The following RCAN1 variants were observed in gnomAD, a reference collection of about 807,000 sequenced individuals.
RCAN1 encodes the protein calcipressin-1.
A neutral mutation model predicts 22.9 loss-of-function variants in RCAN1; 11 were observed. The ratio of observed to expected loss-of-function variants is 0.48; its 90% CI spans 0.30 to 0.79. The LOEUF is 0.79. RCAN1 is among the 30% of genes least tolerant of loss of function. The pLI is 0.06. For synonymous variants in RCAN1, 136 were observed against 142.3 expected, an observed-to-expected ratio of 0.96 and a Z score of 0.32; for missense variants, 291 against 337.8, an observed-to-expected ratio of 0.86 and a Z score of 1.09.
chr21:34,573,305 T>A (rs1987297332), intron 1 of RCAN1, among the ~76,000 whole-genome samples: 1 of 152,186 alleles, frequency 6.6e-6, no homozygotes. Context: ...ACAGACAGAC[T>A]AAGTCACAAA....
Position 34,614,177 on chromosome 21 carries a change from G to T in RCAN1, c.252+583C>A. On this transcript the variant is annotated intron_variant, in intron 1 of 3. Coordinates refer to ENST00000313806, the MANE Select transcript of RCAN1 (RefSeq NM_004414.7). This position sits in a 1 kb window ranked among gnomAD's most constrained non-coding sequence, Gnocchi z 6.0. The stretch of plus-strand genomic sequence containing the variant: ...CTTCACACAAGGGGGCAAGGTTCTT[G>T]ACTAAATATCCTAAAGGTCTGAAAG... The T allele has an allele frequency of 2.1e-6, 2 of 942,004 alleles. No homozygotes were observed. Among genetic ancestry groups the T allele is most frequent in the Non-Finnish European group, 2.6e-6 (2 of 775,382 alleles). 58.4% of individuals were successfully genotyped at this position (942,004 alleles called of 1,614,324 possible).
At chr21:34,592,680 G>A (rs985025602) in intron 1 of RCAN1, among the ~76,000 whole-genome samples, 3 of 151,974 alleles carry the variant, frequency 2.0e-5, no homozygotes, top group Admixed American at 1.3e-4. Flanking sequence ...GATGATTTAC[G>A]TTCCCCTCAA....
chr21:34,537,130 T>A (rs1027334296), intron 1 of RCAN1, among the ~76,000 whole-genome samples: 1 of 152,156 alleles, frequency 6.6e-6, no homozygotes, highest in African/African-American at 2.4e-5. Flanking sequence ...CAAAACATAC[T>A]GAAGGAACAA....
chr21:34,573,322 A>T (rs1178003885), intron 1 of RCAN1, among the ~76,000 whole-genome samples: 2 of 152,176 alleles, frequency 1.3e-5, no homozygotes, highest in East Asian at 3.8e-4. Context: ...CAAACATGGA[A>T]AAAGGATTAT....
chr21:34,526,106 T>A (rs1985030755), intron 1 of RCAN1, among the ~76,000 whole-genome samples: 1 of 152,224 alleles, frequency 6.6e-6, no homozygotes, highest in East Asian at 1.9e-4. Context: ...GTGATTAAAA[T>A]GATTATATTA....
At chr21:34,567,503 C>T (rs1258033260) in intron 1 of RCAN1, among the ~76,000 whole-genome samples, 2 of 148,116 alleles carry the variant, frequency 1.4e-5, no homozygotes, top group Non-Finnish European at 1.5e-5. Flanking sequence ...TGCAGTGAGC[C>T]GAGATCAAGC....
intron 1 of RCAN1, among the ~76,000 whole-genome samples, chr21:34,538,154 GAATGGCAT>G (rs750583021): frequency 3.2e-4 from 48 of 152,178 alleles, no homozygotes; most frequent in Non-Finnish European, 5.4e-4. Context: ...GTTTTGTCAG[GAATGGCAT>G]TCGAAGACAC....
intron 1 of RCAN1, among the ~76,000 whole-genome samples, chr21:34,532,917 T>C (rs914826658): frequency 6.6e-6 from 1 of 152,110 alleles, no homozygotes; most frequent in Non-Finnish European, 1.5e-5. Context: ...TAAACAAATA[T>C]TTTTAAAATT....
chr21:34,580,705 C>T (rs1393220685), intron 1 of RCAN1, among the ~76,000 whole-genome samples: 1 of 152,188 alleles, frequency 6.6e-6, no homozygotes, highest in African/African-American at 2.4e-5. Flanking sequence ...AGTTCCTCAC[C>T]TTTGTGCATG....
At chr21:34,527,877 G>A (rs1319956895) in intron 1 of RCAN1, among the ~76,000 whole-genome samples, 2 of 150,934 alleles carry the variant, frequency 1.3e-5, no homozygotes, top group African/African-American at 2.4e-5. Context: ...AAAAAGGAAA[G>A]GAAGAAGAAA....
chr21:34,533,801 T>C (rs1309175048), intron 1 of RCAN1, among the ~76,000 whole-genome samples: 1 of 152,178 alleles, frequency 6.6e-6, no homozygotes, highest in Non-Finnish European at 1.5e-5. Context: ...GAAGGGGACA[T>C]GCGAGTGCAT....
At chr21:34,539,617 G>A (rs1222702522) in intron 1 of RCAN1, among the ~76,000 whole-genome samples, 1 of 152,132 alleles carries the variant, frequency 6.6e-6, no homozygotes, top group Non-Finnish European at 1.5e-5. Flanking sequence ...AATGGTCAAG[G>A]TAACCGTGGT....
chr21:34,577,863 C>T (rs1601193123), intron 1 of RCAN1, among the ~76,000 whole-genome samples: 1 of 152,182 alleles, frequency 6.6e-6, no homozygotes, highest in Non-Finnish European at 1.5e-5. Context: ...TATCTCCCCA[C>T]TTTCTAGCAC....
chr21:34,602,259 T>C (rs1230758066), intron 1 of RCAN1, among the ~76,000 whole-genome samples: 1 of 152,106 alleles, frequency 6.6e-6, no homozygotes. Flanking sequence ...TGGGTCCACT[T>C]CATTCCAAGC....
At chr21:34,579,849 G>A (rs988596688) in intron 1 of RCAN1, among the ~76,000 whole-genome samples, 1 of 152,230 alleles carries the variant, frequency 6.6e-6, no homozygotes, top group African/African-American at 2.4e-5. Context: ...GGCAGGTCCA[G>A]AGCCATGAGC....
At chr21:34,540,554 G>A (rs538783557) in intron 1 of RCAN1, among the ~76,000 whole-genome samples, 10 of 152,152 alleles carry the variant, frequency 6.6e-5, no homozygotes, top group South Asian at 2.1e-4. Context: ...TTCCTTCACC[G>A]AACTAAGGGT....
chr21:34,597,921 A>C (rs1465370131), intron 1 of RCAN1, among the ~76,000 whole-genome samples: 1 of 152,230 alleles, frequency 6.6e-6, no homozygotes, highest in African/African-American at 2.4e-5. Context: ...TTTTTAAATA[A>C]TTTCTTAAAT....
rs927677138 is a variant in RCAN1, at chr21:34,516,601, A to T, written c.*1483T>A. 1 of 152,228 alleles carries T rather than the reference A, an allele frequency of 6.6e-6. No homozygotes were observed. Among genetic ancestry groups the T allele is most frequent in the Non-Finnish European group, 1.5e-5 (1 of 68,038 alleles). The allele number at this position is 152,228 out of a possible 1,614,324, so 9.4% of individuals were successfully genotyped here. On this transcript the variant is annotated 3_prime_UTR_variant, in exon 4 of 4. Transcript: ENST00000313806. Reference sequence around the variant, plus strand: ...CAAGAAACACTTGGACAGCGATGCAATGGTCTCTCCCAAACCGGCTCCCTC... The same window carrying T: ...CAAGAAACACTTGGACAGCGATGCATTGGTCTCTCCCAAACCGGCTCCCTC...
At position 34,592,931 on chromosome 21, in the gene RCAN1, C is replaced by T. The variant is rs143218763; in HGVS notation, c.252+21829G>A. On this transcript the variant is annotated intron_variant, in intron 1 of 3. Transcript: ENST00000313806. Reference sequence around the variant, plus strand: ...TGGTTCTTCTAAGCGCATGTGGGAACTGAAGGAAAGAGGATGGGGAGCTGG... The same window carrying T: ...TGGTTCTTCTAAGCGCATGTGGGAATTGAAGGAAAGAGGATGGGGAGCTGG... Among the ~76,000 whole-genome samples the T allele has an allele frequency of 1.8e-3, 278 of 152,294 alleles. 1 individual carries two copies. The highest frequency in any genetic ancestry group is 4.6e-3 in the African/African-American group (190 of 41,548).
Sources: allele counts gnomAD v4.1 joint callset (sites outside exome capture counted in the v4.1 genomes callset), GRCh38; gene constraint gnomAD v4.1.1; non-coding constraint Gnocchi (gnomAD v3.1); transcripts MANE v1.5; gene names NCBI Gene and HGNC (gene_info 2026-07-23, HGNC 2026-07-21).